CSMD1: variants seen among roughly 807,000 people sequenced by gnomAD.
The protein encoded by CSMD1 is CUB and sushi domain-containing protein 1.
In CSMD1, 213 loss-of-function variants were observed where a neutral mutation model predicts 417.5. The observed-to-expected ratio is 0.51, with a 90% CI of 0.46 to 0.57. The LOEUF (loss-of-function observed/expected upper bound fraction) is 0.57, where lower values mean the gene tolerates loss of function less well. CSMD1 is among the 20% of genes least tolerant of loss of function. The probability of loss-of-function intolerance (pLI) is 0.00; values close to 1 mark genes in which losing one functional copy is unlikely to be tolerated. For missense variants in CSMD1, 6,923 were observed against 4,529.7 expected (o/e 1.53, Z -15.17); for synonymous variants, 2,862 against 1,736.8 (o/e 1.65, Z -16.11).
intron 33 of CSMD1, among the ~76,000 whole-genome samples, chr8:3,194,646 T>C (rs1796604732): frequency 6.7e-6 from 1 of 150,152 alleles, no homozygotes; most frequent in African/African-American, 2.4e-5. Flanking sequence ...TTTTTTGTAC[T>C]TTTAGTAGAG....
At chr8:4,175,940 C>A (rs7828070) in intron 3 of CSMD1, among the ~76,000 whole-genome samples, 76,269 of 151,826 alleles carry the variant, frequency 0.5, 19,642 homozygotes, top group Non-Finnish European at 0.54. Context: ...CAGGTGCTGT[C>A]GACATTGGTG....
chr8:4,435,274 A>G (rs968771411), intron 2 of CSMD1, among the ~76,000 whole-genome samples: 1 of 152,204 alleles, frequency 6.6e-6, no homozygotes, highest in East Asian at 1.9e-4. Context: ...TTGTTAATCC[A>G]CCTACTGTTC....
intron 25 of CSMD1, among the ~76,000 whole-genome samples, chr8:3,294,573 T>C (rs1478654660): frequency 1.3e-5 from 2 of 152,068 alleles, no homozygotes; most frequent in Non-Finnish European, 2.9e-5. Flanking sequence ...ATCTGACTGC[T>C]GTGCTAGCAA....
chr8:3,626,121 GATGTTCACCGGA>G (rs1563210644), intron 7 of CSMD1, among the ~76,000 whole-genome samples: 1 of 152,142 alleles, frequency 6.6e-6, no homozygotes, highest in African/African-American at 2.4e-5. Flanking sequence ...GGTGCTCTGA[GATGTTCACCGGA>G]ATGTATATTG....
At chr8:4,363,230 C>T (rs971542452) in intron 3 of CSMD1, among the ~76,000 whole-genome samples, 2 of 152,184 alleles carry the variant, frequency 1.3e-5, no homozygotes, top group African/African-American at 4.8e-5. Context: ...TGACCAAGGT[C>T]AGTGTTTCTC....
chr8:4,169,948 C>T (rs1056732502), intron 3 of CSMD1, among the ~76,000 whole-genome samples: 6 of 149,822 alleles, frequency 4.0e-5, no homozygotes, highest in Non-Finnish European at 7.3e-5. Context: ...TTTTGGCTTG[C>T]GTGTGTGTTT....
intron 68 of CSMD1, among the ~76,000 whole-genome samples, chr8:2,946,083 C>T (rs986245725): frequency 6.6e-6 from 1 of 152,190 alleles, no homozygotes; most frequent in African/African-American, 2.4e-5. Context: ...TAGGTACAGC[C>T]AGTGGCTCCT....
Position 3,454,533 on chromosome 8 carries a change from G to C in CSMD1, c.1561+14179C>G, listed in dbSNP as rs556760969. 3.5e-4 allele frequency among the ~76,000 whole-genome samples: 54 copies of C among 152,136 alleles called. 1 individual carries two copies. Among genetic ancestry groups the C allele is most frequent in the Non-Finnish European group, 6.8e-4 (46 of 68,030 alleles). On this transcript the variant is annotated intron_variant, in intron 12 of 69. Coordinates refer to ENST00000635120, the MANE Select transcript of CSMD1 (RefSeq NM_033225.6). ...GTGGTGACAGAATCTCTCAGCATTTGCTTGTCTGTAAAGGATTTTATTTCT... is the reference window on the plus strand; with the variant it reads ...GTGGTGACAGAATCTCTCAGCATTTCCTTGTCTGTAAAGGATTTTATTTCT...
chr8:3,614,591 G>C (rs1802046927), intron 8 of CSMD1, among the ~76,000 whole-genome samples: 1 of 152,150 alleles, frequency 6.6e-6, no homozygotes, highest in African/African-American at 2.4e-5. Context: ...AAAACATGAA[G>C]TGCAATTTGA....
intron 5 of CSMD1, among the ~76,000 whole-genome samples, chr8:3,884,866 A>G (rs1246632351): frequency 6.0e-5 from 9 of 150,976 alleles, no homozygotes; most frequent in African/African-American, 2.2e-4. Flanking sequence ...AAGGCTGAGA[A>G]TTTTGCTACC....
intron 5 of CSMD1, among the ~76,000 whole-genome samples, chr8:3,855,778 G>A (rs1322187730): frequency 6.6e-6 from 1 of 152,142 alleles, no homozygotes; most frequent in Non-Finnish European, 1.5e-5. Flanking sequence ...GACTTTCTGA[G>A]TAAAGACAAG....
intron 3 of CSMD1, among the ~76,000 whole-genome samples, chr8:4,129,389 A>G (rs78433250): frequency 1.3e-5 from 2 of 152,186 alleles, no homozygotes; most frequent in East Asian, 3.9e-4. Context: ...TCCACCCCCA[A>G]CACACCATGT....
chr8:3,704,272 C>T (rs187275741), intron 7 of CSMD1, among the ~76,000 whole-genome samples: 9 of 152,162 alleles, frequency 5.9e-5, no homozygotes, highest in Admixed American at 3.9e-4. Flanking sequence ...GATGAGCAAG[C>T]AGGATTCAGC....
chr8:3,741,445 A>T (rs1316802547), intron 6 of CSMD1, among the ~76,000 whole-genome samples: 3 of 152,164 alleles, frequency 2.0e-5, no homozygotes, highest in Non-Finnish European at 2.9e-5. Context: ...TTGTGTACCT[A>T]CATCATGACA....
intron 8 of CSMD1, among the ~76,000 whole-genome samples, chr8:3,607,519 G>C (rs894983090): frequency 2.0e-5 from 3 of 152,174 alleles, no homozygotes; most frequent in Admixed American, 1.3e-4. Flanking sequence ...CAGTACATCT[G>C]TCTTACATCA....
intron 3 of CSMD1, among the ~76,000 whole-genome samples, chr8:4,392,563 A>C (rs778393241): frequency 2.2e-4 from 33 of 152,100 alleles, no homozygotes; most frequent in Admixed American, 9.8e-4. Flanking sequence ...TTAAATATAA[A>C]AACTTGTGTA....
rs992110331 is a variant in CSMD1 at position 4,106,424 on chromosome 8, C to G, written c.416-74325G>C. 3.3e-5 allele frequency among the ~76,000 whole-genome samples: 5 copies of G among 152,146 alleles called. No homozygotes were observed. The East Asian group carries it at 5.8e-4, about 18-fold the overall frequency. ...AATATTATACAAGTCATTTCCATAT[C>G]AAACTCTATAGAATTTTACACACCA... is the stretch of plus-strand genomic sequence containing the variant. On this transcript the variant is annotated intron_variant, in intron 3 of 69. Coordinates refer to ENST00000635120, the MANE Select transcript of CSMD1 (RefSeq NM_033225.6).
chr8:3,900,412 CAGCTGGGTGACAGTGT>C (rs757251654), intron 5 of CSMD1, among the ~76,000 whole-genome samples: 5 of 149,654 alleles, frequency 3.3e-5, no homozygotes, highest in African/African-American at 7.4e-5. Context: ...GGTGACAGGG[CAGCTGGGTGACAGTGT>C]AGCTGGGTGA....
chr8:4,930,677 T>C (rs570086055), intron 1 of CSMD1, among the ~76,000 whole-genome samples: 7 of 152,326 alleles, frequency 4.6e-5, no homozygotes, highest in African/African-American at 1.7e-4. Flanking sequence ...CTACCCCAGG[T>C]ATCAATGTTT....
Sources: gnomAD v4.1 joint callset for allele counts (sites outside exome capture counted in the v4.1 genomes callset) on GRCh38, gnomAD v4.1.1 for gene constraint, MANE v1.5 for transcripts, NCBI Gene and HGNC (gene_info 2026-07-23, HGNC 2026-07-21) for gene names.